UQCC1: variants seen among roughly 807,000 people sequenced by gnomAD.
UQCC1 encodes ubiquinol-cytochrome c reductase complex assembly factor 1, also known as bFGF-repressed Zic-binding protein.
A neutral mutation model predicts 48.0 loss-of-function variants in UQCC1; 38 were observed. That is an observed-to-expected ratio of 0.79 (90% CI 0.61 to 1.04). UQCC1 has a LOEUF of 1.04. Ranked by LOEUF, UQCC1 falls within the 50% of genes least tolerant of loss-of-function variation. The pLI, the probability that UQCC1 is intolerant of heterozygous loss-of-function variation, is 0.00. For missense variants in UQCC1, 368 were observed against 381.8 expected (o/e 0.96, Z 0.30); for synonymous variants, 111 against 129.2 (o/e 0.86, Z 0.95).
chr20:35,390,041 C>T (rs1428400166), intron 2 of UQCC1, among the ~76,000 whole-genome samples: 1 of 152,146 alleles, frequency 6.6e-6, no homozygotes, highest in Non-Finnish European at 1.5e-5. Flanking sequence ...ACCTTGAGGA[C>T]ATTATGCTAA....
At chr20:35,306,871 G>C (rs191892289) in intron 8 of UQCC1, 92 bp from the exon 9 acceptor site, 2 of 1,033,468 alleles carry the variant, frequency 1.9e-6, no homozygotes, top group East Asian at 4.8e-5. Flanking sequence ...AGCAACCATG[G>C]AATCAGCTCA....
chr20:35,310,888 C>A (rs867061258), intron 8 of UQCC1, among the ~76,000 whole-genome samples: 1 of 140,794 alleles, frequency 7.1e-6, no homozygotes, highest in East Asian at 2.1e-4. Context: ...TCAGTAGAGA[C>A]GGGGTTTCAC....
chr20:35,380,940 A>G (rs1240922589), intron 4 of UQCC1, among the ~76,000 whole-genome samples: 2 of 152,206 alleles, frequency 1.3e-5, no homozygotes, highest in Non-Finnish European at 2.9e-5. Flanking sequence ...ATCATGTCTA[A>G]AAACTCCAAA....
intron 5 of UQCC1, among the ~76,000 whole-genome samples, chr20:35,371,064 T>C (rs1177797172): frequency 1.3e-5 from 2 of 152,230 alleles, no homozygotes; most frequent in Non-Finnish European, 2.9e-5. Flanking sequence ...CCATACTATA[T>C]GAGCTAATAG....
rs1162371421 is a variant in UQCC1 at position 35,382,512 on chromosome 20, C to CT, written c.226-488dup. On this transcript the variant is annotated intron_variant, in intron 3 of 9. Transcript: ENST00000374385. ...TAATTTTCTTTTTTTTTTCTTTTTT[C>CT]TTTTTTTTTTTTTTTTTTGAGACAG... Among the ~76,000 whole-genome samples the CT allele has an allele frequency of 9.4e-3, 1,020 of 108,224 alleles. 20 individuals carry two copies. Among genetic ancestry groups the CT allele is most frequent in the African/African-American group, 0.019 (490 of 25,450 alleles). 71.0% of individuals were successfully genotyped at this position (108,224 alleles called of 152,430 possible). A position where few individuals can be genotyped will look rare whatever the true frequency, so the allele number is the denominator to read the frequency against.
intron 6 of UQCC1, 32 bp from the exon 7 acceptor site, chr20:35,347,304 C>T (rs779735338): frequency 1.4e-5 from 22 of 1,610,444 alleles, no homozygotes; most frequent in South Asian, 5.5e-5. Context: ...AAAGTCTTGG[C>T]TGTTTGCATT....
At chr20:35,315,781 T>C (rs1273691587) in intron 7 of UQCC1, among the ~76,000 whole-genome samples, 1 of 152,028 alleles carries the variant, frequency 6.6e-6, no homozygotes, top group Admixed American at 6.6e-5. Flanking sequence ...TCCCGGCTAC[T>C]TGGGAGGCTG....
chr20:35,348,562 T>C (rs2061456231), intron 6 of UQCC1, among the ~76,000 whole-genome samples: 2 of 152,104 alleles, frequency 1.3e-5, no homozygotes, highest in African/African-American at 4.8e-5. Context: ...GCTAATGTTT[T>C]TGTATTTTTA....
At chr20:35,411,778 A>G (rs2062369310) in intron 1 of UQCC1, among the ~76,000 whole-genome samples, 162 bp downstream of exon 1, 1 of 152,162 alleles carries the variant, frequency 6.6e-6, no homozygotes, top group Non-Finnish European at 1.5e-5. Context: ...GGGTAGGAAG[A>G]GGTCGGAAGC....
chr20:35,323,166 A>G (rs1173514615), intron 7 of UQCC1, among the ~76,000 whole-genome samples: 1 of 152,200 alleles, frequency 6.6e-6, no homozygotes, highest in Non-Finnish European at 1.5e-5. Context: ...TGTCTTTTCT[A>G]AGCGATCACA....
intron 8 of UQCC1, among the ~76,000 whole-genome samples, chr20:35,313,904 G>T (rs1374428261): frequency 1.3e-5 from 2 of 151,686 alleles, no homozygotes; most frequent in African/African-American, 4.8e-5. Flanking sequence ...CACTATGCCT[G>T]GCCAGGTCTT....
intron 6 of UQCC1, among the ~76,000 whole-genome samples, chr20:35,358,852 G>A (rs2061575871): frequency 6.6e-6 from 1 of 152,130 alleles, no homozygotes; most frequent in Non-Finnish European, 1.5e-5. Flanking sequence ...GAGCCACCGC[G>A]CCTGGCCTGA....
At chr20:35,397,794 G>C (rs987702284) in intron 1 of UQCC1, among the ~76,000 whole-genome samples, 2 of 152,034 alleles carry the variant, frequency 1.3e-5, no homozygotes, top group African/African-American at 4.8e-5. Context: ...AAAGGACCAG[G>C]GATACTTGGG....
intron 7 of UQCC1, among the ~76,000 whole-genome samples, chr20:35,321,260 G>C (rs866115670): frequency 1.5e-5 from 1 of 67,032 alleles, no homozygotes; most frequent in Non-Finnish European, 3.4e-5. Context: ...AACTGTGTGT[G>C]TGTGTGTGTG....
In UQCC1 at chr20:35,353,764, C is replaced by A. The variant is rs574255666; in HGVS notation, c.465-6492G>T. ...TTGTGATTGTACCACTAAATTCTGG[C>A]CTGGATGACAGAGTGAGACCCTGTC... On this transcript the variant is annotated intron_variant, in intron 6 of 9. Transcript: ENST00000374385. 1.8e-4 allele frequency among the ~76,000 whole-genome samples: 28 copies of A among 151,950 alleles called. 1 individual carries two copies. Among genetic ancestry groups the A allele is most frequent in the African/African-American group, 6.5e-4 (27 of 41,404 alleles).
At chr20:35,304,517 C>T (rs1447139949) in intron 9 of UQCC1, 2 of 184,036 alleles carry the variant, frequency 1.1e-5, no homozygotes, top group Non-Finnish European at 2.3e-5. Context: ...GCAGCTTCCC[C>T]TCTCTGAGAT....
intron 8 of UQCC1, among the ~76,000 whole-genome samples, chr20:35,313,220 C>CA (rs1243723966): frequency 1.3e-5 from 2 of 151,356 alleles, no homozygotes; most frequent in African/African-American, 2.4e-5. Context: ...ACTAAAAATA[C>CA]AAAAAATTAG....
intron 9 of UQCC1, 49 bp from the exon 10 acceptor site, chr20:35,304,118 G>A (rs1290926145): frequency 1.2e-6 from 2 of 1,610,156 alleles, no homozygotes; most frequent in South Asian, 1.1e-5. Flanking sequence ...CAGGGCAGAG[G>A]TGAGGAGCCA....
chr20:35,311,605 A>C (rs928724556), intron 8 of UQCC1, among the ~76,000 whole-genome samples: 4 of 152,230 alleles, frequency 2.6e-5, no homozygotes, highest in Non-Finnish European at 5.9e-5. Context: ...GCAATGCAGA[A>C]TCTCAGGCCC....
Sources: allele counts gnomAD v4.1 joint callset (sites outside exome capture counted in the v4.1 genomes callset), GRCh38; gene constraint gnomAD v4.1.1; transcripts MANE v1.5; gene names NCBI Gene and HGNC (gene_info 2026-07-23, HGNC 2026-07-21).